The following COL19A1 variants were observed in gnomAD, a reference collection of about 807,000 sequenced individuals.
The protein encoded by COL19A1 is collagen type XIX alpha 1 chain, also known as collagen alpha-1(XIX) chain.
COL19A1 carries 159 observed loss-of-function variants against 190.2 expected under a neutral mutation model. The ratio of observed to expected loss-of-function variants is 0.84; its 90% CI spans 0.73 to 0.95. The LOEUF is 0.95. COL19A1 is among the 40% of genes least tolerant of loss of function. The pLI is 0.00. For synonymous variants in COL19A1, 509 were observed against 458.9 expected (o/e 1.11, Z -1.39); for missense variants, 1,418 against 1,431.9 (o/e 0.99, Z 0.16).
At chr6:70,180,184 C>G in intron 42 of COL19A1, 128 bp from the exon 43 acceptor site, 2 of 1,002,960 alleles carry the variant, frequency 2.0e-6, no homozygotes, top group South Asian at 1.5e-5. Flanking sequence ...CCACACCTGG[C>G]CAGAAATGCC....
At chr6:70,140,195 G>C (rs1485998986) in intron 19 of COL19A1, among the ~76,000 whole-genome samples, 4 of 151,926 alleles carry the variant, frequency 2.6e-5, no homozygotes, top group African/African-American at 9.7e-5. Context: ...ATCTGAGGAT[G>C]CTCAAGTCCC....
chr6:70,180,081 T>G (rs924157571), intron 42 of COL19A1, among the ~76,000 whole-genome samples: 13 of 152,144 alleles, frequency 8.5e-5, no homozygotes, highest in African/African-American at 3.1e-4. Flanking sequence ...AGACAGGGTT[T>G]CGCCACGTTG....
chr6:69,921,064 T>C (rs1435908747), intron 4 of COL19A1, among the ~76,000 whole-genome samples: 1 of 90,200 alleles, frequency 1.1e-5, no homozygotes, highest in Non-Finnish European at 2.2e-5. Flanking sequence ...ATCATATATA[T>C]TCATAGACAT....
At chr6:70,008,505 T>C (rs1777772701) in intron 11 of COL19A1, among the ~76,000 whole-genome samples, 1 of 151,908 alleles carries the variant, frequency 6.6e-6, no homozygotes, top group Admixed American at 6.6e-5. Flanking sequence ...AATAGAAGAA[T>C]TGTATAGTCC....
chr6:70,121,665 C>CT (rs1324449818), intron 16 of COL19A1, among the ~76,000 whole-genome samples: 1 of 152,110 alleles, frequency 6.6e-6, no homozygotes, highest in Non-Finnish European at 1.5e-5. Context: ...CTTAGGACCT[C>CT]TTTTTGGATT....
chr6:69,968,817 A>G (rs1181623196), intron 11 of COL19A1, among the ~76,000 whole-genome samples: 2 of 152,154 alleles, frequency 1.3e-5, no homozygotes, highest in African/African-American at 4.8e-5. Flanking sequence ...ATATACGTAA[A>G]CGATTATTCA....
intron 48 of COL19A1, among the ~76,000 whole-genome samples, chr6:70,190,747 A>G (rs1205057583): frequency 6.6e-6 from 1 of 152,164 alleles, no homozygotes; most frequent in Non-Finnish European, 1.5e-5. Flanking sequence ...GAAATGTTTA[A>G]TTTATAAATG....
rs181518508 is a variant in COL19A1, at chr6:69,873,792, A to G, written c.-32-5744A>G. ...GAAATTTGGGCAACACATTCAAATC[A>G]TAGCACCAATATTCTCCATAGCCTT... On this transcript the variant is annotated intron_variant, in intron 1 of 50. Transcript: ENST00000620364. Among the ~76,000 whole-genome samples the G allele has an allele frequency of 1.5e-3, 221 of 152,314 alleles. 2 individuals are homozygous for G. The highest frequency in any genetic ancestry group is 5.0e-3 in the African/African-American group (207 of 41,560).
chr6:70,139,490 C>A (rs940215952), intron 19 of COL19A1, among the ~76,000 whole-genome samples: 2 of 152,010 alleles, frequency 1.3e-5, no homozygotes, highest in Admixed American at 1.3e-4. Context: ...ATCCCACCAC[C>A]CCATACATCT....
intron 4 of COL19A1, among the ~76,000 whole-genome samples, chr6:69,915,401 T>A (rs1404768546): frequency 1.3e-5 from 2 of 152,204 alleles, no homozygotes; most frequent in Non-Finnish European, 2.9e-5. Flanking sequence ...ATACTTACAA[T>A]GCTAACCATT....
chr6:69,984,401 TA>T lies in COL19A1; in HGVS notation c.1026+21534del, dbSNP rs201151189. ...TTTTAAAGGCAACTTAAGTTGATTT[TA>T]AAGACAATCTTTTAACACCTCACTA... On this transcript the variant is annotated intron_variant, in intron 11 of 50. Coordinates refer to ENST00000620364, the MANE Select transcript of COL19A1 (RefSeq NM_001858.6). 3.4e-3 allele frequency among the ~76,000 whole-genome samples: 525 copies of T among 152,266 alleles called. 2 individuals are homozygous for T. Among genetic ancestry groups the T allele is most frequent in the African/African-American group, 0.011 (454 of 41,570 alleles).
chr6:70,153,362 T>C (rs1401877960), intron 31 of COL19A1, among the ~76,000 whole-genome samples: 1 of 152,146 alleles, frequency 6.6e-6, no homozygotes, highest in Non-Finnish European at 1.5e-5. Flanking sequence ...TCAAAGGCCT[T>C]CTTCTAGATT....
intron 9 of COL19A1, among the ~76,000 whole-genome samples, chr6:69,955,440 T>C (rs564273116): frequency 8.5e-5 from 13 of 152,152 alleles, no homozygotes; most frequent in Admixed American, 8.5e-4. Flanking sequence ...TGACTACAAA[T>C]GTAGCATATG....
intron 2 of COL19A1, among the ~76,000 whole-genome samples, chr6:69,880,160 G>C (rs989319811): frequency 1.3e-5 from 2 of 152,170 alleles, no homozygotes; most frequent in African/African-American, 2.4e-5. Context: ...AGCACCTTTT[G>C]AACTAAATAG....
intron 9 of COL19A1, among the ~76,000 whole-genome samples, chr6:69,944,151 C>A (rs893996428): frequency 6.6e-6 from 1 of 152,074 alleles, no homozygotes; most frequent in Admixed American, 6.6e-5. Context: ...ATCATTTAGG[C>A]CCTTGCTCAA....
At chr6:70,112,615 A>C (rs1784346124) in intron 16 of COL19A1, among the ~76,000 whole-genome samples, 1 of 152,008 alleles carries the variant, frequency 6.6e-6, no homozygotes, top group Admixed American at 6.6e-5. Flanking sequence ...CTTTAAATAT[A>C]TTTTTTTCTG....
intron 14 of COL19A1, among the ~76,000 whole-genome samples, chr6:70,055,333 G>A (rs1198754551): frequency 6.6e-6 from 1 of 151,622 alleles, no homozygotes; most frequent in Non-Finnish European, 1.5e-5. Context: ...TTCACTCTAG[G>A]CTCATTCATT....
At chr6:70,173,468 T>G (rs529128854) in intron 41 of COL19A1, among the ~76,000 whole-genome samples, 1 of 152,254 alleles carries the variant, frequency 6.6e-6, no homozygotes, top group Non-Finnish European at 1.5e-5. Context: ...GAGGAAAACT[T>G]GGTATCCTAC....
chr6:70,066,616 A>G (rs914926808), intron 14 of COL19A1, among the ~76,000 whole-genome samples: 1 of 151,918 alleles, frequency 6.6e-6, no homozygotes, highest in Non-Finnish European at 1.5e-5. Flanking sequence ...ATATATATAA[A>G]AGAAAATTTA....
Sources: gnomAD v4.1 joint callset for allele counts (sites outside exome capture counted in the v4.1 genomes callset) on GRCh38, gnomAD v4.1.1 for gene constraint, MANE v1.5 for transcripts, NCBI Gene and HGNC (gene_info 2026-07-23, HGNC 2026-07-21) for gene names.